ZFHX3: variants seen among roughly 807,000 people sequenced by gnomAD.
ZFHX3 encodes the protein zinc finger homeobox protein 3.
In ZFHX3, 42 loss-of-function variants were observed where a neutral mutation model predicts 279.1. That is an observed-to-expected ratio of 0.15 (90% CI 0.12 to 0.19). ZFHX3 has a LOEUF of 0.19. Among genes scored for constraint, ZFHX3 ranks in the 10% least tolerant of loss-of-function variants. ZFHX3 has a pLI of 1.00. For synonymous variants in ZFHX3, 2,293 were observed against 1,957.8 expected (o/e 1.17, Z -4.52); for missense variants, 4,981 against 4,754.0 (o/e 1.05, Z -1.40).
At chr16:73,685,258 C>T (rs1207472804) in intron 1 of ZFHX3, among the ~76,000 whole-genome samples, 3 of 152,064 alleles carry the variant, frequency 2.0e-5, no homozygotes, top group Non-Finnish European at 4.4e-5. Flanking sequence ...CCTCGTGATC[C>T]GCCCCCCTCA....
At chr16:73,262,105 G>A (rs1386831700) in intron 4 of ZFHX3, among the ~76,000 whole-genome samples, 2 of 152,190 alleles carry the variant, frequency 1.3e-5, no homozygotes, top group Non-Finnish European at 2.9e-5. Flanking sequence ...AAAGTGCCAG[G>A]CTACTGTGAC....
chr16:73,164,122 G>A lies in ZFHX3; in HGVS notation c.-1103-20291C>T, dbSNP rs896242123. Among the ~76,000 whole-genome samples, 17 of 152,300 alleles carry A rather than the reference G, an allele frequency of 1.1e-4. No individual in the cohort carries two copies. The East Asian group carries it at 2.1e-3, about 19-fold the overall frequency. ...ACTTGGCAATTTGTGACTATGTGCA[G>A]CAGATGAAACAATAAGAAATTTGAA... is the stretch of plus-strand genomic sequence containing the variant. On this transcript the variant is annotated intron_variant, in intron 5 of 17. Transcript: ENST00000641206.
At chr16:73,280,085 G>T (rs1475365083) in intron 4 of ZFHX3, among the ~76,000 whole-genome samples, 1 of 152,006 alleles carries the variant, frequency 6.6e-6, no homozygotes, top group East Asian at 1.9e-4. Context: ...GAATGAAATT[G>T]GACCCCTGTT....
intron 1 of ZFHX3, among the ~76,000 whole-genome samples, chr16:73,799,095 C>G (rs1326691434): frequency 6.6e-6 from 1 of 152,082 alleles, no homozygotes; most frequent in Non-Finnish European, 1.5e-5. Context: ...AGCTCTGTCT[C>G]CAGCCCTGTG....
chr16:73,652,310 T>A (rs1189725192), intron 2 of ZFHX3, among the ~76,000 whole-genome samples: 1 of 152,032 alleles, frequency 6.6e-6, no homozygotes, highest in Non-Finnish European at 1.5e-5. Context: ...TTGTGGATCA[T>A]AGGGAAAGAA....
intron 1 of ZFHX3, among the ~76,000 whole-genome samples, chr16:73,688,159 T>C (rs1386513222): frequency 2.0e-5 from 3 of 151,456 alleles, no homozygotes; most frequent in African/African-American, 7.3e-5. Flanking sequence ...AAGTTCAAGA[T>C]TAGCCTGGCC....
chr16:73,840,594 T>C (rs1170772159), intron 1 of ZFHX3, among the ~76,000 whole-genome samples: 4 of 152,144 alleles, frequency 2.6e-5, no homozygotes, highest in African/African-American at 9.7e-5. Context: ...TGTTCCAGAG[T>C]GTCGGGCTCT....
At chr16:72,812,950 T>A (rs1028836333) in intron 5 of ZFHX3, among the ~76,000 whole-genome samples, 1 of 152,180 alleles carries the variant, frequency 6.6e-6, no homozygotes, top group African/African-American at 2.4e-5. Flanking sequence ...GGCTCAGGGT[T>A]TATAGTTAGG....
chr16:73,535,881 C>G (rs1037923946), intron 2 of ZFHX3, among the ~76,000 whole-genome samples: 4 of 152,000 alleles, frequency 2.6e-5, no homozygotes, highest in African/African-American at 9.7e-5. Flanking sequence ...CCCCACTATG[C>G]CCGGCTAATT....
intron 1 of ZFHX3, among the ~76,000 whole-genome samples, chr16:73,890,729 ACGTGGAGC>A (rs2030507015): frequency 6.6e-6 from 1 of 152,112 alleles, no homozygotes; most frequent in African/African-American, 2.4e-5. Flanking sequence ...ATAAAAGCAA[ACGTGGAGC>A]CGTGTTAAAT....
intron 4 of ZFHX3, among the ~76,000 whole-genome samples, chr16:73,264,652 G>T (rs968378241): frequency 1.3e-5 from 2 of 151,512 alleles, no homozygotes; most frequent in Non-Finnish European, 2.9e-5. Flanking sequence ...TTCTTTAGCC[G>T]TGATTTGTGA....
chr16:73,162,468 C>A (rs1967262443), intron 5 of ZFHX3, among the ~76,000 whole-genome samples: 1 of 152,054 alleles, frequency 6.6e-6, no homozygotes, highest in South Asian at 2.1e-4. Context: ...ATTATATATT[C>A]CAATGTAATA....
intron 2 of ZFHX3, among the ~76,000 whole-genome samples, chr16:73,619,500 T>TTATATATATATATATATATA (rs1555528593): frequency 7.6e-6 from 1 of 131,748 alleles, no homozygotes; most frequent in African/African-American, 3.0e-5. Context: ...AAAAAAAAAA[T>TTATATATATATATATATATA]TATATATATA....
chr16:73,441,620 G>T (rs1282873494), intron 3 of ZFHX3, among the ~76,000 whole-genome samples: 1 of 152,092 alleles, frequency 6.6e-6, no homozygotes, highest in East Asian at 1.9e-4. Context: ...GGAAGTTCAC[G>T]CAAGTCCAGC....
At chr16:72,967,422 G>A (rs1322131757) in intron 1 of ZFHX3, among the ~76,000 whole-genome samples, 2 of 151,948 alleles carry the variant, frequency 1.3e-5, no homozygotes, top group African/African-American at 4.8e-5. Flanking sequence ...GCAACCCAAT[G>A]TGTAACATAA....
chr16:73,462,070 G>C (rs2018480427), intron 2 of ZFHX3, among the ~76,000 whole-genome samples: 1 of 152,024 alleles, frequency 6.6e-6, no homozygotes, highest in African/African-American at 2.4e-5. Context: ...CAATATACAA[G>C]TCCTGTACAT....
chr16:73,528,522 T>C (rs996524874), intron 2 of ZFHX3, among the ~76,000 whole-genome samples: 2 of 152,210 alleles, frequency 1.3e-5, no homozygotes, highest in African/African-American at 2.4e-5. Context: ...GGGAAATTAA[T>C]GCGTGGACAC....
chr16:73,617,471 A>G (rs1290583717), intron 2 of ZFHX3, among the ~76,000 whole-genome samples: 1 of 152,262 alleles, frequency 6.6e-6, no homozygotes, highest in Non-Finnish European at 1.5e-5. Context: ...TAGCAGTTAT[A>G]TGATACAATA....
chr16:72,972,295 C>A (rs748071339), intron 1 of ZFHX3, among the ~76,000 whole-genome samples: 3 of 152,104 alleles, frequency 2.0e-5, no homozygotes, highest in Non-Finnish European at 2.9e-5. Flanking sequence ...TGAGTTCCTA[C>A]CAGTCCACCA....
Sources: allele counts gnomAD v4.1 joint callset (sites outside exome capture counted in the v4.1 genomes callset), GRCh38; gene constraint gnomAD v4.1.1; transcripts MANE v1.5; gene names NCBI Gene and HGNC (gene_info 2026-07-23, HGNC 2026-07-21).